The following ABTB3 variants were observed in gnomAD, a reference collection of about 807,000 sequenced individuals.
ABTB3 encodes the protein ankyrin repeat- and BTB/POZ domain-containing protein 3.
the ABTB3 span, among the ~76,000 whole-genome samples, chr12:107,529,532 C>T: frequency 6.6e-6 from 1 of 152,180 alleles, no homozygotes; most frequent in Admixed American, 6.5e-5. Context: ...TTATTAAGTG[C>T]TTACAATATA....
chr12:107,565,686 A>AC, the ABTB3 span, among the ~76,000 whole-genome samples: 1 of 150,536 alleles, frequency 6.6e-6, no homozygotes, highest in African/African-American at 2.4e-5. Flanking sequence ...CTTTACACTC[A>AC]CCCCCTCGTT....
the ABTB3 span, among the ~76,000 whole-genome samples, chr12:107,588,324 G>A: frequency 1.3e-5 from 2 of 152,196 alleles, no homozygotes; most frequent in Admixed American, 1.3e-4. Context: ...GTAGTAGGAG[G>A]GAAACAGACT....
At chr12:107,472,492 G>A in the ABTB3 span, among the ~76,000 whole-genome samples, 2 of 152,202 alleles carry the variant, frequency 1.3e-5, no homozygotes, top group Non-Finnish European at 1.5e-5. Context: ...CCATTTATTA[G>A]CTGTGTGACC....
the ABTB3 span, among the ~76,000 whole-genome samples, chr12:107,322,904 T>G: frequency 6.6e-6 from 1 of 152,166 alleles, no homozygotes; most frequent in Non-Finnish European, 1.5e-5. Context: ...CAGAGACCCT[T>G]CCTGTCATAT....
the ABTB3 span, among the ~76,000 whole-genome samples, chr12:107,516,035 A>ATGTG: frequency 1.6e-5 from 2 of 125,002 alleles, no homozygotes; most frequent in African/African-American, 3.2e-5. Context: ...GTGTGTGTGC[A>ATGTG]TGTGTGTGTG....
At chr12:107,445,029 C>T in the ABTB3 span, among the ~76,000 whole-genome samples, 253 of 152,306 alleles carry the variant, frequency 1.7e-3, no homozygotes, top group African/African-American at 5.6e-3. Context: ...CATCGCTGAC[C>T]GCTTTGCCTC....
the ABTB3 span, chr12:107,320,028 G>C: frequency 1.3e-6 from 2 of 1,554,336 alleles, no homozygotes; most frequent in Non-Finnish European, 1.7e-6. Flanking sequence ...GAGATCTGGG[G>C]TCTCCTGCAG....
At chr12:107,429,985 A>G in the ABTB3 span, among the ~76,000 whole-genome samples, 1 of 152,252 alleles carries the variant, frequency 6.6e-6, no homozygotes, top group African/African-American at 2.4e-5. Flanking sequence ...TGAAGAACAG[A>G]TACCACAAAC....
At chr12:107,564,239 C>T in the ABTB3 span, among the ~76,000 whole-genome samples, 3 of 151,878 alleles carry the variant, frequency 2.0e-5, no homozygotes, top group Middle Eastern at 3.4e-3. Flanking sequence ...CTCTCCTTTC[C>T]AACATCCTTC....
chr12:107,433,959 A>G, the ABTB3 span, among the ~76,000 whole-genome samples: 6 of 152,128 alleles, frequency 3.9e-5, no homozygotes, highest in Non-Finnish European at 4.4e-5. Flanking sequence ...AGAGCTAAAG[A>G]GCTCTCTGGG....
chr12:107,471,783 T>C, the ABTB3 span, among the ~76,000 whole-genome samples: 9 of 152,160 alleles, frequency 5.9e-5, no homozygotes, highest in South Asian at 1.7e-3. Flanking sequence ...AGGGGCTGAG[T>C]GGGCATTAAC....
At chr12:107,444,719 A>C in the ABTB3 span, among the ~76,000 whole-genome samples, 1 of 152,142 alleles carries the variant, frequency 6.6e-6, no homozygotes, top group East Asian at 1.9e-4. Context: ...GATGTTTGGC[A>C]AATGAATAAA....
the ABTB3 span, among the ~76,000 whole-genome samples, chr12:107,397,296 G>T: frequency 6.6e-6 from 1 of 152,178 alleles, no homozygotes; most frequent in East Asian, 1.9e-4. Context: ...AGACTTTTCA[G>T]TTTTTGCCAA....
the ABTB3 span, chr12:107,581,033 G>A: frequency 6.4e-7 from 1 of 1,551,302 alleles, no homozygotes; most frequent in Non-Finnish European, 8.7e-7. Flanking sequence ...AAAGCGGGGT[G>A]TGGGCTGGGG....
chr12:107,335,004 G>T, the ABTB3 span, among the ~76,000 whole-genome samples: 41 of 152,254 alleles, frequency 2.7e-4, no homozygotes, highest in Admixed American at 7.8e-4. Context: ...GCAGCATTGA[G>T]GCCAGGTGCA....
chr12:107,509,369 G>A, the ABTB3 span, among the ~76,000 whole-genome samples: 4 of 152,354 alleles, frequency 2.6e-5, no homozygotes, highest in African/African-American at 7.2e-5. Context: ...GTTCAAGAAC[G>A]AAGCTTGAAG....
At chr12:107,472,881 G>A in the ABTB3 span, among the ~76,000 whole-genome samples, 1 of 152,162 alleles carries the variant, frequency 6.6e-6, no homozygotes, top group Admixed American at 6.5e-5. Context: ...ATTAGAGGAA[G>A]TCAGAGATAT....
At chr12:107,509,633 G>A in the ABTB3 span, among the ~76,000 whole-genome samples, 2 of 152,168 alleles carry the variant, frequency 1.3e-5, no homozygotes, top group East Asian at 1.9e-4. Context: ...TGGGAGCTTC[G>A]GGGACACTTC....
the ABTB3 span, chr12:107,520,616 T>C: frequency 1.2e-6 from 2 of 1,614,050 alleles, no homozygotes; most frequent in Non-Finnish European, 1.7e-6. Context: ...GCCACGCGCG[T>C]AGGCAGCATC....
Sources: allele counts gnomAD v4.1 joint callset (sites outside exome capture counted in the v4.1 genomes callset), GRCh38; gene constraint gnomAD v4.1.1; transcripts MANE v1.5; gene names NCBI Gene and HGNC (gene_info 2026-07-23, HGNC 2026-07-21).